Variants in GABBR2 observed in about 807,000 individuals in gnomAD.
GABBR2 encodes the protein G-protein coupled receptor 51.
Under a neutral mutation model 105.6 loss-of-function variants are expected in GABBR2, and 23 were observed. That is an observed-to-expected ratio of 0.22 (90% CI 0.16 to 0.31). The LOEUF (loss-of-function observed/expected upper bound fraction) is 0.31. Among genes scored for constraint, GABBR2 ranks in the 10% least tolerant of loss-of-function variants. GABBR2 has a pLI of 1.00. For missense variants in GABBR2, 734 were observed against 1,245.5 expected, an observed-to-expected ratio of 0.59 and a Z score of 6.18; for synonymous variants, 478 against 499.7, an observed-to-expected ratio of 0.96 and a Z score of 0.58.
At chr9:98,648,798 C>T (rs1564141017) in intron 1 of GABBR2, among the ~76,000 whole-genome samples, 1 of 152,184 alleles carries the variant, frequency 6.6e-6, no homozygotes. Context: ...GACCCCTTCC[C>T]CAGAGGACTC....
chr9:98,570,254 G>A (rs1054482752), intron 2 of GABBR2, among the ~76,000 whole-genome samples: 4 of 152,196 alleles, frequency 2.6e-5, no homozygotes, highest in African/African-American at 9.7e-5. Flanking sequence ...AGGCAGGGTG[G>A]GCTGTCGAGG....
intron 7 of GABBR2, among the ~76,000 whole-genome samples, chr9:98,440,857 C>T (rs1290196688): frequency 1.3e-5 from 2 of 152,212 alleles, no homozygotes; most frequent in Non-Finnish European, 2.9e-5. Context: ...TGTCAGCTGT[C>T]TTCTCCTGAT....
intron 3 of GABBR2, among the ~76,000 whole-genome samples, chr9:98,502,561 C>T (rs1335069680): frequency 6.6e-6 from 1 of 152,152 alleles, no homozygotes; most frequent in Non-Finnish European, 1.5e-5. Context: ...ATCTGCATGC[C>T]CTGCCAGGCT....
At chr9:98,401,921 C>A (rs751939178) in intron 8 of GABBR2, among the ~76,000 whole-genome samples, 1 of 152,130 alleles carries the variant, frequency 6.6e-6, no homozygotes, top group Admixed American at 6.5e-5. Flanking sequence ...TCAGGAAATG[C>A]GCACTGAATA....
chr9:98,409,586 C>G (rs910900636), intron 7 of GABBR2, among the ~76,000 whole-genome samples: 1 of 152,174 alleles, frequency 6.6e-6, no homozygotes, highest in South Asian at 2.1e-4. Context: ...TCCTCCCCAG[C>G]GGCTAGCATC....
chr9:98,570,192 G>T (rs568406648), intron 2 of GABBR2, among the ~76,000 whole-genome samples: 24 of 152,124 alleles, frequency 1.6e-4, no homozygotes, highest in Non-Finnish European at 2.6e-4. Flanking sequence ...GACACAAGCC[G>T]AAATGTTCCT....
chr9:98,587,932 T>C (rs558203464), intron 1 of GABBR2, among the ~76,000 whole-genome samples: 9 of 152,232 alleles, frequency 5.9e-5, no homozygotes, highest in Non-Finnish European at 1.3e-4. Context: ...AATGATCTCA[T>C]TTTATAAAAT....
rs112091370 is a variant in GABBR2, at chr9:98,602,969, G to A, written c.322-24897C>T. 5.2e-4 allele frequency among the ~76,000 whole-genome samples: 79 copies of A among 152,286 alleles called. 3 individuals carry two copies. In the South Asian group the frequency reaches 0.015, roughly 28 times the overall value. On this transcript the variant is annotated intron_variant, in intron 1 of 18. Transcript: ENST00000259455. ...TGGGCCTTCCAATCCTATCTATAAA[G>A]TGTAGTGATTCCTTATCTAGCTGTA...
chr9:98,386,211 G>A (rs1016926389), intron 10 of GABBR2, among the ~76,000 whole-genome samples: 3 of 143,378 alleles, frequency 2.1e-5, no homozygotes, highest in Non-Finnish European at 3.0e-5. Context: ...TAAGTCAACA[G>A]GTTTTTTTTT....
intron 3 of GABBR2, among the ~76,000 whole-genome samples, chr9:98,517,824 G>C (rs1247904053): frequency 9.9e-5 from 15 of 152,146 alleles, no homozygotes; most frequent in Admixed American, 9.8e-4. Flanking sequence ...GAAGACCAAT[G>C]AGAACCCAGT....
chr9:98,534,292 G>C (rs7032419), intron 3 of GABBR2, among the ~76,000 whole-genome samples: 1 of 138,786 alleles, frequency 7.2e-6, no homozygotes, highest in Non-Finnish European at 1.6e-5. Context: ...CAGAAGCCTC[G>C]AGATCACTGA....
At chr9:98,336,669 AC>A (rs34712182) in intron 13 of GABBR2, among the ~76,000 whole-genome samples, 67,058 of 151,852 alleles carry the variant, frequency 0.44, 14,906 homozygotes, top group African/African-American at 0.47. Context: ...CACGCCACTG[AC>A]TCCAGCCTGA....
At chr9:98,566,418 G>C (rs1828751305) in intron 2 of GABBR2, among the ~76,000 whole-genome samples, 1 of 152,154 alleles carries the variant, frequency 6.6e-6, no homozygotes, top group South Asian at 2.1e-4. Flanking sequence ...GCCCACACCT[G>C]TAATCCCAGC....
At chr9:98,373,560 T>G (rs150920131) in intron 11 of GABBR2, among the ~76,000 whole-genome samples, 2 of 152,174 alleles carry the variant, frequency 1.3e-5, no homozygotes, top group African/African-American at 4.8e-5. Context: ...AGGAGCCGGA[T>G]GTCAAAGGAC....
At chr9:98,314,678 G>T (rs7029612) in intron 13 of GABBR2, among the ~76,000 whole-genome samples, 2,179 of 152,258 alleles carry the variant, frequency 0.014, 54 homozygotes, top group African/African-American at 0.049. Flanking sequence ...ACTCACCGGG[G>T]CTCATCTCTC....
At chr9:98,605,856 T>C (rs1022164994) in intron 1 of GABBR2, among the ~76,000 whole-genome samples, 5 of 152,182 alleles carry the variant, frequency 3.3e-5, no homozygotes, top group Admixed American at 2.6e-4. Flanking sequence ...ACATGTGCCA[T>C]GTTGGTGTGC....
intron 2 of GABBR2, among the ~76,000 whole-genome samples, chr9:98,568,550 C>T (rs1828781983): frequency 6.6e-6 from 1 of 152,140 alleles, no homozygotes; most frequent in South Asian, 2.1e-4. Context: ...CTTCAAGGGA[C>T]TCTGGGTGCT....
rs556319675 is a variant in GABBR2 at position 98,407,390 on chromosome 9, T to G, written c.1237-1249A>C. ...ACCTTCCAAGGCCACCTGGACACCT[T>G]TTTGAAACCCTGAAGACAGCTGTGA... On this transcript the variant is annotated intron_variant, in intron 7 of 18. Transcript: ENST00000259455. 7.2e-5 allele frequency among the ~76,000 whole-genome samples: 11 copies of G among 152,240 alleles called. No individual in the cohort carries two copies. The South Asian group carries it at 2.1e-3, about 29-fold the overall frequency.
chr9:98,684,169 T>TAAAA (rs3032196), intron 1 of GABBR2, among the ~76,000 whole-genome samples: 1,042 of 66,072 alleles, frequency 0.016, 66 homozygotes, highest in African/African-American at 0.062. Context: ...TTTACCACGG[T>TAAAA]AAAAAAAAAA....
Sources: allele counts gnomAD v4.1 joint callset (sites outside exome capture counted in the v4.1 genomes callset), GRCh38; gene constraint gnomAD v4.1.1; transcripts MANE v1.5; gene names NCBI Gene and HGNC (gene_info 2026-07-23, HGNC 2026-07-21).